ABCA4: variants seen among roughly 807,000 people sequenced by gnomAD.
ABCA4 encodes retinal-specific phospholipid-transporting ATPase ABCA4.
ABCA4 carries 196 observed loss-of-function variants against 263.7 expected under a neutral mutation model. The ratio of observed to expected loss-of-function variants is 0.74; its 90% CI spans 0.66 to 0.84. The LOEUF (loss-of-function observed/expected upper bound fraction) is 0.84, where lower values mean the gene tolerates loss of function less well. ABCA4 is among the 40% of genes least tolerant of loss of function. The probability of loss-of-function intolerance (pLI) is 0.00; values close to 1 mark genes in which losing one functional copy is unlikely to be tolerated. For synonymous variants in ABCA4, 1,133 were observed against 1,094.2 expected, an observed-to-expected ratio of 1.04 and a Z score of -0.70; for missense variants, 2,792 against 2,855.1, an observed-to-expected ratio of 0.98 and a Z score of 0.50.
intron 36 of ABCA4, among the ~76,000 whole-genome samples, chr1:94,016,705 T>A (rs1012940611): frequency 3.9e-5 from 6 of 152,188 alleles, no homozygotes; most frequent in African/African-American, 1.4e-4. Context: ...TATAGGTAGA[T>A]AGAGAACTAT....
chr1:94,046,748 A>G (rs1660695910), intron 19 of ABCA4, among the ~76,000 whole-genome samples, 171 bp downstream of exon 19: 1 of 152,210 alleles, frequency 6.6e-6, no homozygotes, highest in African/African-American at 2.4e-5. Flanking sequence ...CCATCAAGAG[A>G]ATACATATTA....
intron 19 of ABCA4, among the ~76,000 whole-genome samples, chr1:94,046,283 A>G (rs1395870912): frequency 4.2e-5 from 2 of 47,972 alleles, no homozygotes; most frequent in Non-Finnish European, 1.2e-4. Context: ...TCTGTACTAA[A>G]AAAAAAAAAA....
chr1:94,063,298 A>G lies in ABCA4; in HGVS notation c.1574T>C (p.Phe525Ser). The change falls in exon 12 of 50, where the codon TTT becomes TCT. Residue 525 changes from phenylalanine (F) to serine (S), a missense_variant. Transcript: ENST00000370225. ...CTGAGTTTCATCATTGTAGCTTTCAAACTTATCCAGGACCAAGCACTGCAG... is the reference window on the plus strand; with the variant it reads ...CTGAGTTTCATCATTGTAGCTTTCAGACTTATCCAGGACCAAGCACTGCAG... ...QYLECLVLDK[F>S]ESYNDETQLT... The G allele has an allele frequency of 4.3e-6, 7 of 1,614,144 alleles. No homozygotes were observed. The highest frequency in any genetic ancestry group is 5.9e-6 in the Non-Finnish European group (7 of 1,180,038).
chr1:94,117,287 G>A (rs1662817323), intron 1 of ABCA4, among the ~76,000 whole-genome samples: 2 of 152,046 alleles, frequency 1.3e-5, no homozygotes, highest in Non-Finnish European at 2.9e-5. Context: ...TGAGAACCAG[G>A]ACAGAATTCT....
intron 19 of ABCA4, chr1:94,046,048 G>A: frequency 2.4e-6 from 1 of 410,662 alleles, no homozygotes; most frequent in South Asian, 1.7e-5. Context: ...CCCCTCTAGA[G>A]ACTGATTCTT....
Position 94,055,393 on chromosome 1 carries a change from T to C in ABCA4, c.2383-78A>G, listed in dbSNP as rs1037321911. The C allele has an allele frequency of 2.1e-6, 3 of 1,440,958 alleles. No individual in the cohort carries two copies. The South Asian group carries it at 3.6e-5, about 17-fold the overall frequency. 89.3% of individuals were successfully genotyped at this position (1,440,958 alleles called of 1,614,324 possible). A position where few individuals can be genotyped will look rare whatever the true frequency, so the allele number is the denominator to read the frequency against. ...CAACAGCACCCAGATGCCCTCGAGG[T>C]AGAGGGGAGGGCCAAAAGAGGGTCC... On this transcript the variant is annotated intron_variant, in intron 15 of 49. Transcript: ENST00000370225.
At chr1:94,003,257 C>T (rs1659243655) in intron 44 of ABCA4, among the ~76,000 whole-genome samples, 1 of 152,030 alleles carries the variant, frequency 6.6e-6, no homozygotes, top group South Asian at 2.1e-4. Context: ...GTCTGCTATT[C>T]AGTCATTATG....
intron 7 of ABCA4, among the ~76,000 whole-genome samples, chr1:94,081,590 TCGTGTGTGTGTG>T (rs570495924): frequency 1.3e-4 from 20 of 152,164 alleles, no homozygotes; most frequent in Admixed American, 1.3e-3. Context: ...TGTGGTTTTC[TCGTGTGTGTGTG>T]CGTGTGTGTG....
chr1:94,039,942 T>C (rs1660441776), intron 24 of ABCA4, 101 bp downstream of exon 24: 1 of 972,574 alleles, frequency 1.0e-6, no homozygotes, highest in African/African-American at 1.6e-5. Flanking sequence ...GTACCCAGTG[T>C]TCTCTTTGCT....
intron 11 of ABCA4, among the ~76,000 whole-genome samples, chr1:94,072,973 C>T (rs1442229501): frequency 6.6e-6 from 1 of 152,108 alleles, no homozygotes; most frequent in Non-Finnish European, 1.5e-5. Context: ...GGTTAGGCCG[C>T]CCTCCTGGGA....
intron 20 of ABCA4, among the ~76,000 whole-genome samples, chr1:94,044,094 T>TCCC (rs1557779024): frequency 4.2e-3 from 51 of 12,172 alleles, no homozygotes; most frequent in African/African-American, 4.5e-3. Flanking sequence ...CCCTCCCTTC[T>TCCC]TTCCTTCCTT....
In ABCA4 at chr1:94,062,637, G is replaced by T; in HGVS notation, c.1877C>A (p.Ala626Glu). ...EQGITRSQVQAEAPVGIYLQQ... is the reference protein window; with the variant it reads ...EQGITRSQVQEEAPVGIYLQQ... ...GAGGTAGATTCCAACTGGAGCCTCC[G>T]CCTGCACCTGGCTCCTTGTGATCCC... Residue 626 changes from alanine (A) to glutamate (E), a missense_variant, in exon 13 of 50, where the codon GCG becomes GAG. Physicochemically the swap from Ala to Glu is moderately radical, Grantham distance 107. Coordinates refer to ENST00000370225, the MANE Select transcript of ABCA4 (RefSeq NM_000350.3). The T allele has an allele frequency of 6.2e-7, 1 of 1,614,122 alleles. No homozygotes were observed. Among genetic ancestry groups the T allele is most frequent in the Non-Finnish European group, 8.5e-7 (1 of 1,180,002 alleles).
chr1:94,055,916 G>A (rs893635610), intron 15 of ABCA4, among the ~76,000 whole-genome samples: 6 of 152,180 alleles, frequency 3.9e-5, no homozygotes, highest in African/African-American at 1.2e-4. Flanking sequence ...GGGAGACTCC[G>A]GAGGACAAGG....
rs550783305 is a variant in ABCA4 at position 94,094,174 on chromosome 1, C to T, written c.768+4620G>A. 1.6e-3 allele frequency among the ~76,000 whole-genome samples: 251 copies of T among 152,238 alleles called. 4 individuals carry two copies. The highest frequency in any genetic ancestry group is 6.9e-4 in the Non-Finnish European group (47 of 68,024). On this transcript the variant is annotated intron_variant, in intron 6 of 49. Coordinates refer to ENST00000370225, the MANE Select transcript of ABCA4 (RefSeq NM_000350.3). ...GACACTTGACGTAGCAATATCCACC[C>T]GAAAGTTGAAATGCATAGGTGAAGT...
At chr1:94,058,049 T>C (rs1040591805) in intron 14 of ABCA4, among the ~76,000 whole-genome samples, 4 of 152,216 alleles carry the variant, frequency 2.6e-5, no homozygotes, top group Non-Finnish European at 5.9e-5. Flanking sequence ...GTGGAACGAA[T>C]GTGCCATTTG....
chr1:94,112,087 G>A (rs573312024), intron 2 of ABCA4, among the ~76,000 whole-genome samples: 32 of 152,322 alleles, frequency 2.1e-4, no homozygotes, highest in Middle Eastern at 6.8e-3. Context: ...ACGAGAAGGT[G>A]AAGATCAAGA....
At chr1:94,060,859 T>C in intron 13 of ABCA4, 100 bp from the exon 14 acceptor site, 1 of 1,033,118 alleles carries the variant, frequency 9.7e-7, no homozygotes, top group African/African-American at 1.6e-5. Context: ...AAAGCCCAGA[T>C]GGAGGGAAAG....
chr1:94,027,107 C>T (rs1037098767), intron 30 of ABCA4, among the ~76,000 whole-genome samples: 17 of 152,116 alleles, frequency 1.1e-4, no homozygotes, highest in African/African-American at 3.9e-4. Flanking sequence ...AGAGCGCGCA[C>T]AGCTCCTGTG....
chr1:94,113,124 C>T lies in ABCA4; in HGVS notation c.67-58G>A, dbSNP rs565269254. Reference sequence around the variant, plus strand: ...AGTGGTGCTAAGAGATTATAGAAAACGTAACCAGAGCAGACACAGCCCTCC... The same window carrying T: ...AGTGGTGCTAAGAGATTATAGAAAATGTAACCAGAGCAGACACAGCCCTCC... On this transcript the variant is annotated intron_variant, in intron 1 of 49. Transcript: ENST00000370225. The T allele has an allele frequency of 9.2e-4, 1,415 of 1,541,418 alleles. 2 individuals are homozygous for T. Among genetic ancestry groups the T allele is most frequent in the Non-Finnish European group, 1.2e-3 (1,312 of 1,115,396 alleles).
Sources: allele counts gnomAD v4.1 joint callset (sites outside exome capture counted in the v4.1 genomes callset), GRCh38; gene constraint gnomAD v4.1.1; transcripts MANE v1.5; gene names NCBI Gene and HGNC (gene_info 2026-07-23, HGNC 2026-07-21).